The following PARD3 variants were observed in gnomAD, a reference collection of about 807,000 sequenced individuals.
PARD3 encodes partitioning defective 3 homolog.
Under a neutral mutation model 155.4 loss-of-function variants are expected in PARD3, and 75 were observed. The observed-to-expected ratio is 0.48, with a 90% CI of 0.40 to 0.58. The LOEUF is 0.58. Ranked by LOEUF, PARD3 falls within the 20% of genes least tolerant of loss-of-function variation. The pLI is 0.00. For synonymous variants in PARD3, 576 were observed against 610.5 expected, an observed-to-expected ratio of 0.94 and a Z score of 0.83; for missense variants, 1,642 against 1,721.7, an observed-to-expected ratio of 0.95 and a Z score of 0.82.
At chr10:34,718,597 T>C (rs1318992109) in intron 1 of PARD3, among the ~76,000 whole-genome samples, 1 of 152,004 alleles carries the variant, frequency 6.6e-6, no homozygotes, top group East Asian at 1.9e-4. Flanking sequence ...AGACCAAGGA[T>C]GCAGTGAGCT....
intron 5 of PARD3, among the ~76,000 whole-genome samples, chr10:34,445,735 A>G (rs567364104): frequency 6.6e-6 from 1 of 152,226 alleles, no homozygotes; most frequent in African/African-American, 2.4e-5. Context: ...AAGCTGTATC[A>G]TATTTTAGAA....
At chr10:34,326,555 T>C (rs1835052979) in intron 19 of PARD3, among the ~76,000 whole-genome samples, 1 of 152,296 alleles carries the variant, frequency 6.6e-6, no homozygotes, top group East Asian at 1.9e-4. Flanking sequence ...TATGATAAAA[T>C]TATACTTAGT....
intron 2 of PARD3, among the ~76,000 whole-genome samples, chr10:34,644,178 G>A (rs2092764620): frequency 6.6e-6 from 1 of 152,192 alleles, no homozygotes; most frequent in Admixed American, 6.5e-5. Flanking sequence ...CTGCCCTTTG[G>A]GGCTTCTAGA....
At chr10:34,331,753 CT>C (rs35638866) in intron 18 of PARD3, among the ~76,000 whole-genome samples, 88 of 148,334 alleles carry the variant, frequency 5.9e-4, no homozygotes, top group East Asian at 4.8e-3. Context: ...TAATTAAAAC[CT>C]TTTTTTTTTT....
intron 9 of PARD3, among the ~76,000 whole-genome samples, chr10:34,379,548 T>C (rs925104944): frequency 6.6e-6 from 1 of 152,140 alleles, no homozygotes; most frequent in Non-Finnish European, 1.5e-5. Context: ...AATTCTTAAT[T>C]ACTCTCCTTT....
At chr10:34,277,488 T>C (rs1955944855) in intron 21 of PARD3, among the ~76,000 whole-genome samples, 1 of 152,256 alleles carries the variant, frequency 6.6e-6, no homozygotes, top group Admixed American at 6.5e-5. Context: ...CAATTTTAAG[T>C]GGGATTTTAA....
intron 5 of PARD3, among the ~76,000 whole-genome samples, chr10:34,441,476 A>T (rs1409776510): frequency 6.6e-6 from 1 of 152,206 alleles, no homozygotes; most frequent in African/African-American, 2.4e-5. Flanking sequence ...CAGAAACAGG[A>T]CACACTCATT....
At chr10:34,522,942 A>T (rs111770401) in intron 2 of PARD3, among the ~76,000 whole-genome samples, 79 of 152,348 alleles carry the variant, frequency 5.2e-4, no homozygotes, top group African/African-American at 1.1e-3. Context: ...TCCACAGCAC[A>T]GGGCACTGGC....
chr10:34,482,187 A>G (rs1050763094), intron 3 of PARD3, among the ~76,000 whole-genome samples: 6 of 150,928 alleles, frequency 4.0e-5, no homozygotes, highest in African/African-American at 1.5e-4. Context: ...GGTGCCCCCC[A>G]CCATGCCCAG....
intron 2 of PARD3, among the ~76,000 whole-genome samples, chr10:34,666,877 T>C (rs1000902564): frequency 1.3e-5 from 2 of 148,272 alleles, no homozygotes; most frequent in Non-Finnish European, 3.0e-5. Context: ...TCAGATATAT[T>C]CTAAACTTGG....
intron 22 of PARD3, among the ~76,000 whole-genome samples, chr10:34,169,788 C>T (rs1949702480): frequency 6.6e-6 from 1 of 152,136 alleles, no homozygotes; most frequent in African/African-American, 2.4e-5. Flanking sequence ...GCATTAAGTT[C>T]CGACAATTGA....
intron 2 of PARD3, among the ~76,000 whole-genome samples, chr10:34,656,879 T>C (rs2093181902): frequency 6.6e-6 from 1 of 152,174 alleles, no homozygotes; most frequent in African/African-American, 2.4e-5. Context: ...AGATGCTACA[T>C]AAAAATTGCA....
At chr10:34,586,683 A>G (rs1564382756) in intron 2 of PARD3, among the ~76,000 whole-genome samples, 1 of 152,234 alleles carries the variant, frequency 6.6e-6, no homozygotes, top group Non-Finnish European at 1.5e-5. Flanking sequence ...GCAGTGGCTC[A>G]GGCCTGTAAT....
At chr10:34,585,692 TTA>T (rs542504658) in intron 2 of PARD3, among the ~76,000 whole-genome samples, 101 of 152,290 alleles carry the variant, frequency 6.6e-4, no homozygotes, top group South Asian at 1.9e-3. Context: ...TCTGCACTGC[TTA>T]TAGTCTTGAA....
At chr10:34,708,628 G>A (rs891419702) in intron 1 of PARD3, among the ~76,000 whole-genome samples, 11 of 152,102 alleles carry the variant, frequency 7.2e-5, no homozygotes, top group African/African-American at 2.4e-4. Context: ...GTAAACAACT[G>A]GTGAATCTAA....
chr10:34,608,117 T>C (rs1002257988), intron 2 of PARD3, among the ~76,000 whole-genome samples: 1 of 152,176 alleles, frequency 6.6e-6, no homozygotes, highest in African/African-American at 2.4e-5. Flanking sequence ...CATACTGACA[T>C]GTGTCAAGCC....
chr10:34,660,581 C>T (rs1017978842), intron 2 of PARD3, among the ~76,000 whole-genome samples: 7 of 152,000 alleles, frequency 4.6e-5, no homozygotes, highest in Admixed American at 3.9e-4. Context: ...CTGAAATGCA[C>T]AGCAAAACCG....
chr10:34,557,857 C>T (rs930198302), intron 2 of PARD3, among the ~76,000 whole-genome samples: 9 of 151,400 alleles, frequency 5.9e-5, no homozygotes, highest in Admixed American at 5.9e-4. Context: ...CTGCTTGAGT[C>T]CAGGAGGTTG....
rs562291202 is a variant in PARD3, at chr10:34,733,113, A to G, written c.121-36694T>C. On this transcript the variant is annotated intron_variant, in intron 1 of 24. Transcript: ENST00000374788. ...GGAAACAAGAAGCTCACCTCTATCAATGGAAAACATAAAAGTCTCACTACT... is the reference window on the plus strand; with the variant it reads ...GGAAACAAGAAGCTCACCTCTATCAGTGGAAAACATAAAAGTCTCACTACT... 2.3e-4 allele frequency among the ~76,000 whole-genome samples: 35 copies of G among 152,338 alleles called. No individual in the cohort carries two copies. In the East Asian group the frequency reaches 5.6e-3, roughly 24 times the overall value.
Sources: allele counts gnomAD v4.1 joint callset (sites outside exome capture counted in the v4.1 genomes callset), GRCh38; gene constraint gnomAD v4.1.1; transcripts MANE v1.5; gene names NCBI Gene and HGNC (gene_info 2026-07-23, HGNC 2026-07-21).